Variants in DNAH7 observed in about 807,000 individuals in gnomAD.
The protein encoded by DNAH7 is dynein axonemal heavy chain 7, also known as axonemal beta dynein heavy chain 7.
DNAH7 carries 397 observed loss-of-function variants against 444.6 expected under a neutral mutation model. The observed-to-expected ratio is 0.89, with a 90% CI of 0.82 to 0.97. The LOEUF is 0.97. DNAH7 is among the 50% of genes least tolerant of loss of function. The pLI, the probability that DNAH7 is intolerant of heterozygous loss-of-function variation, is 0.00. For synonymous variants in DNAH7, 1,636 were observed against 1,624.4 expected (o/e 1.01, Z -0.17); for missense variants, 4,902 against 4,800.8 (o/e 1.02, Z -0.62).
chr2:196,017,573 C>T (rs796685946), intron 9 of DNAH7, among the ~76,000 whole-genome samples: 17 of 151,940 alleles, frequency 1.1e-4, no homozygotes, highest in Admixed American at 8.5e-4. Flanking sequence ...TGTACTTGTA[C>T]GGAAAGAGAT....
chr2:195,822,388 T>C (rs1697513796), intron 49 of DNAH7, among the ~76,000 whole-genome samples: 1 of 152,252 alleles, frequency 6.6e-6, no homozygotes, highest in Admixed American at 6.5e-5. Context: ...AAGCCATTTA[T>C]TCTCAAATAA....
intron 51 of DNAH7, among the ~76,000 whole-genome samples, chr2:195,810,993 G>T (rs546531524): frequency 3.9e-5 from 6 of 152,102 alleles, no homozygotes; most frequent in Admixed American, 1.3e-4. Flanking sequence ...TCTTCTTGTA[G>T]ACAGAAAGAT....
chr2:195,880,097 C>T (rs114157724), intron 36 of DNAH7, among the ~76,000 whole-genome samples: 2,662 of 151,856 alleles, frequency 0.018, 76 homozygotes, highest in African/African-American at 0.06. Context: ...TAAATTGTAA[C>T]CCTATATTTG....
chr2:195,944,099 C>A (rs1436976917), intron 19 of DNAH7, among the ~76,000 whole-genome samples: 3 of 152,046 alleles, frequency 2.0e-5, no homozygotes. Context: ...ATACTTCTGA[C>A]CAAGCACTCT....
chr2:196,044,443 G>A (rs1490005116), intron 5 of DNAH7, among the ~76,000 whole-genome samples: 2 of 150,732 alleles, frequency 1.3e-5, no homozygotes, highest in African/African-American at 2.4e-5. Context: ...ACTCAAGGGG[G>A]AAAGGGTGCA....
chr2:195,820,177 T>C (rs766068423), intron 49 of DNAH7, among the ~76,000 whole-genome samples: 1 of 152,128 alleles, frequency 6.6e-6, no homozygotes, highest in Non-Finnish European at 1.5e-5. Flanking sequence ...TTAGAAATAC[T>C]TGTTTTTTAA....
At chr2:195,804,956 C>T (rs1471993222) in intron 54 of DNAH7, among the ~76,000 whole-genome samples, 1 of 151,980 alleles carries the variant, frequency 6.6e-6, no homozygotes, top group Non-Finnish European at 1.5e-5. Context: ...AGTATAAAAC[C>T]ATAAATTTAA....
intron 38 of DNAH7, 26 bp from the exon 39 acceptor site, chr2:195,873,720 A>AC: frequency 6.7e-7 from 1 of 1,492,722 alleles, no homozygotes; most frequent in Admixed American, 2.6e-5. Context: ...TATAACTCTT[A>AC]ATAATGTTAC....
At chr2:195,960,994 A>G (rs1423832491) in intron 17 of DNAH7, 49 bp from the exon 18 acceptor site, 1 of 1,367,926 alleles carries the variant, frequency 7.3e-7, no homozygotes, top group Non-Finnish European at 9.6e-7. Context: ...AGTGAATGAT[A>G]CTGCAAATTA....
intron 56 of DNAH7, chr2:195,795,925 G>T (rs1696110481): frequency 6.6e-6 from 1 of 152,272 alleles, no homozygotes; most frequent in African/African-American, 2.4e-5. Context: ...ATTTAGAAGG[G>T]AGTTAGGAGT....
At chr2:196,046,742 G>A (rs1440350365) in intron 5 of DNAH7, among the ~76,000 whole-genome samples, 3 of 151,214 alleles carry the variant, frequency 2.0e-5, no homozygotes, top group Non-Finnish European at 4.4e-5. Context: ...AGTAGAACAG[G>A]GTCCTGTGAG....
rs1697352113 is a variant in DNAH7, at chr2:196,049,778, G to A, written c.142-1374C>T. Reference sequence around the variant, plus strand: ...GATTATATGCTTCGCCCACAAGCAAGAATTATTATGCGTCTCAGCCATAGA... The same window carrying A: ...GATTATATGCTTCGCCCACAAGCAAAAATTATTATGCGTCTCAGCCATAGA... On this transcript the variant is annotated intron_variant, in intron 3 of 64. Coordinates refer to ENST00000312428, the MANE Select transcript of DNAH7 (RefSeq NM_018897.3). 3.3e-5 allele frequency among the ~76,000 whole-genome samples: 5 copies of A among 152,256 alleles called. No individual in the cohort carries two copies. In the South Asian group the frequency reaches 1.0e-3, roughly 32 times the overall value.
chr2:195,828,819 T>G (rs950087939), intron 48 of DNAH7, among the ~76,000 whole-genome samples: 3 of 151,998 alleles, frequency 2.0e-5, no homozygotes, highest in African/African-American at 2.4e-5. Context: ...TGATGTATCA[T>G]TTTTCTGTTG....
chr2:195,960,110 C>T (rs989101542), intron 18 of DNAH7, 150 bp downstream of exon 18: 5 of 644,622 alleles, frequency 7.8e-6, no homozygotes, highest in East Asian at 2.9e-5. Context: ...GTATGAAATG[C>T]TAAGTATGAA....
intron 40 of DNAH7, among the ~76,000 whole-genome samples, chr2:195,868,735 T>C (rs996025809): frequency 6.6e-6 from 1 of 151,308 alleles, no homozygotes; most frequent in African/African-American, 2.4e-5. Flanking sequence ...TTGGGGGTCT[T>C]GTTTTTGCAG....
chr2:196,037,445 A>C lies in DNAH7; in HGVS notation c.399-9398T>G, dbSNP rs1221091843. On this transcript the variant is annotated intron_variant, in intron 5 of 64. Coordinates refer to ENST00000312428, the MANE Select transcript of DNAH7 (RefSeq NM_018897.3). ...AAACCCCTGAAAAGGAATTAAAAAT[A>C]ATGATCTCAAGAAAACTCAGCAAGA... is the stretch of plus-strand genomic sequence containing the variant. Among the ~76,000 whole-genome samples the C allele has an allele frequency of 2.0e-5, 3 of 152,238 alleles. No homozygotes were observed. The East Asian group carries it at 5.8e-4, about 29-fold the overall frequency.
At chr2:195,828,593 C>CGT in intron 48 of DNAH7, among the ~76,000 whole-genome samples, 1 of 136,720 alleles carries the variant, frequency 7.3e-6, no homozygotes, top group Non-Finnish European at 1.5e-5. Flanking sequence ...TCAAAAATAA[C>CGT]ATATATATAT....
At chr2:195,858,443 T>C in intron 43 of DNAH7, 31 bp downstream of exon 43, 1 of 1,501,376 alleles carries the variant, frequency 6.7e-7, no homozygotes, top group East Asian at 2.3e-5. Context: ...TGATGACATG[T>C]GTCCTAGAAA....
At chr2:195,865,622 C>A (rs1029682280) in intron 40 of DNAH7, among the ~76,000 whole-genome samples, 1 of 152,044 alleles carries the variant, frequency 6.6e-6, no homozygotes, top group Non-Finnish European at 1.5e-5. Flanking sequence ...TATGGGACTG[C>A]AAGAAACATC....
Sources: gnomAD v4.1 joint callset for allele counts (sites outside exome capture counted in the v4.1 genomes callset) on GRCh38, gnomAD v4.1.1 for gene constraint, MANE v1.5 for transcripts, NCBI Gene and HGNC (gene_info 2026-07-23, HGNC 2026-07-21) for gene names.